NADK2: variants seen among roughly 807,000 people sequenced by gnomAD.
The protein encoded by NADK2 is NAD kinase 2, mitochondrial.
Under a neutral mutation model 62.1 loss-of-function variants are expected in NADK2, and 35 were observed. The observed-to-expected ratio is 0.56, with a 90% CI of 0.43 to 0.75. The LOEUF (loss-of-function observed/expected upper bound fraction) is 0.75, where lower values mean the gene tolerates loss of function less well. Among genes scored for constraint, NADK2 ranks in the 30% least tolerant of loss-of-function variants. The pLI is 0.00. For missense variants in NADK2, 439 were observed against 561.3 expected (o/e 0.78, Z 2.20); for synonymous variants, 205 against 207.9 (o/e 0.99, Z 0.12).
intron 6 of NADK2, among the ~76,000 whole-genome samples, chr5:36,217,494 A>C (rs1747088119): frequency 6.6e-6 from 1 of 152,058 alleles, no homozygotes; most frequent in Non-Finnish European, 1.5e-5. Context: ...TCAAACATCA[A>C]CTATCTTATC....
At chr5:36,231,189 C>T (rs775018786) in intron 1 of NADK2, among the ~76,000 whole-genome samples, 7 of 152,116 alleles carry the variant, frequency 4.6e-5, no homozygotes, top group African/African-American at 7.2e-5. Context: ...AGATACATGG[C>T]GTTGACTGTT....
intron 6 of NADK2, 197 bp from the exon 7 acceptor site, chr5:36,212,119 T>C: frequency 4.8e-6 from 2 of 412,588 alleles, no homozygotes; most frequent in South Asian, 9.0e-5. Context: ...AACTTACACC[T>C]GTAATGAAGG....
intron 1 of NADK2, among the ~76,000 whole-genome samples, chr5:36,238,647 A>G (rs573964002): frequency 7.9e-5 from 12 of 152,334 alleles, no homozygotes; most frequent in African/African-American, 2.9e-4. Flanking sequence ...GCAATTGCAC[A>G]TTTGCCAACA....
Position 36,232,737 on chromosome 5 carries a change from C to T in NADK2, c.301-5172G>A, listed in dbSNP as rs191391856. ...CCTCCCTTGATATTGCTTGAGGTTC[C>T]AACTTTGGTTTTCTTATCTGCTCTC... On this transcript the variant is annotated intron_variant, in intron 1 of 11. Transcript: ENST00000381937. 5.9e-5 allele frequency among the ~76,000 whole-genome samples: 9 copies of T among 152,194 alleles called. No homozygotes were observed. The East Asian group carries it at 1.5e-3, about 26-fold the overall frequency.
At position 36,216,774 on chromosome 5, in the gene NADK2, A is replaced by G. The variant is rs1747060207; in HGVS notation, c.781+974T>C. 2.0e-5 allele frequency among the ~76,000 whole-genome samples: 3 copies of G among 152,152 alleles called. No individual in the cohort carries two copies. In the South Asian group the frequency reaches 6.2e-4, roughly 32 times the overall value. On this transcript the variant is annotated intron_variant, in intron 6 of 11. Coordinates refer to ENST00000381937, the MANE Select transcript of NADK2 (RefSeq NM_001085411.3). ...ACTGCTGGTGAAGACAGTCAAATCT[A>G]CCATCTATTAGTGGTAGAAGTAACT...
In NADK2 at chr5:36,197,683, T is replaced by G; in HGVS notation, c.1067-19A>C. Reference sequence around the variant, plus strand: ...TTTGTTACTACAAAGAAAAAAAAATTAGCACACTCAATAAAAGATGGTCAC... The same window carrying G: ...TTTGTTACTACAAAGAAAAAAAAATGAGCACACTCAATAAAAGATGGTCAC... On this transcript the variant is annotated intron_variant, in intron 10 of 11. Transcript: ENST00000381937. 7 of 1,522,530 alleles carry G rather than the reference T, an allele frequency of 4.6e-6. No homozygotes were observed. Among genetic ancestry groups the G allele is most frequent in the Non-Finnish European group, 6.1e-6 (7 of 1,140,468 alleles). 94.3% of individuals were successfully genotyped at this position (1,522,530 alleles called of 1,614,324 possible).
chr5:36,219,111 T>C lies in NADK2; in HGVS notation c.644+485A>G, dbSNP rs186381026. ...CAATTCCAACTGGACTAGGAGAAGG[T>C]AAATTAGACCTATTTGTGACTCAGC... On this transcript the variant is annotated intron_variant, in intron 5 of 11. Coordinates refer to ENST00000381937, the MANE Select transcript of NADK2 (RefSeq NM_001085411.3). 5.2e-4 allele frequency among the ~76,000 whole-genome samples: 79 copies of C among 152,350 alleles called. No homozygotes were observed. In the South Asian group the frequency reaches 0.011, roughly 21 times the overall value.
chr5:36,196,755 T>C (rs542229700), intron 11 of NADK2, among the ~76,000 whole-genome samples: 1 of 152,272 alleles, frequency 6.6e-6, no homozygotes, highest in South Asian at 2.1e-4. Flanking sequence ...GTATATATCT[T>C]TGAAGGAGTC....
Position 36,201,141 on chromosome 5 carries a change from A to G in NADK2, c.977T>C (p.Val326Ala). 1.2e-6 allele frequency: 2 copies of G among 1,612,396 alleles called. No individual in the cohort carries two copies. The highest frequency in any genetic ancestry group is 1.7e-6 in the Non-Finnish European group (2 of 1,178,898). ...SKAWSFNINR[V>A]ATQAVEDVLN... ...AACATCTTCTACAGCCTGAGTTGCA[A>G]CCCTGTTAATATTGAATGACCTAGA... Residue 326 changes from valine to alanine, a missense_variant, in exon 9 of 12, where the codon GTT becomes GCT. Physicochemically the swap from Val to Ala is moderately conservative, Grantham distance 64. Transcript: ENST00000381937.
At chr5:36,198,116 C>T (rs1746301842) in intron 10 of NADK2, among the ~76,000 whole-genome samples, 1 of 151,850 alleles carries the variant, frequency 6.6e-6, no homozygotes, top group African/African-American at 2.4e-5. Flanking sequence ...CAATGACAGG[C>T]AATATCCTTT....
intron 6 of NADK2, among the ~76,000 whole-genome samples, chr5:36,215,052 G>A (rs1561064391): frequency 6.6e-6 from 1 of 152,068 alleles, no homozygotes; most frequent in South Asian, 2.1e-4. Flanking sequence ...TTATATGAGG[G>A]ATGTGAACAT....
At chr5:36,225,495 A>G (rs905684284) in intron 4 of NADK2, 47 bp downstream of exon 4, 14 of 1,526,492 alleles carry the variant, frequency 9.2e-6, no homozygotes, top group Non-Finnish European at 1.1e-5. Flanking sequence ...AAAAAACTTA[A>G]AAAGCACACC....
intron 1 of NADK2, among the ~76,000 whole-genome samples, chr5:36,234,689 T>C (rs1747838426): frequency 6.6e-6 from 1 of 152,248 alleles, no homozygotes; most frequent in African/African-American, 2.4e-5. Flanking sequence ...TTTAAAATTC[T>C]GAAGCACATA....
chr5:36,200,191 C>A, intron 10 of NADK2, 36 bp downstream of exon 10: 1 of 1,491,158 alleles, frequency 6.7e-7, no homozygotes, highest in Non-Finnish European at 9.1e-7. Flanking sequence ...TGAAACAGAA[C>A]TAAACTGTTA....
chr5:36,214,314 G>A (rs977483106), intron 6 of NADK2, among the ~76,000 whole-genome samples: 21 of 152,078 alleles, frequency 1.4e-4, no homozygotes, highest in African/African-American at 5.1e-4. Context: ...CTGAGGAGCT[G>A]GGATTACAGG....
intron 1 of NADK2, among the ~76,000 whole-genome samples, chr5:36,232,064 G>A (rs905507878): frequency 6.6e-6 from 1 of 152,086 alleles, no homozygotes; most frequent in Admixed American, 6.6e-5. Flanking sequence ...CGAAAGCCAA[G>A]ATCATGTCTC....
rs1747338271 is a variant in NADK2, at chr5:36,223,139, G to C, written c.560+2403C>G. 2.6e-5 allele frequency among the ~76,000 whole-genome samples: 4 copies of C among 152,056 alleles called. No homozygotes were observed. In the South Asian group the frequency reaches 8.3e-4, roughly 32 times the overall value. ...ACAGGACTTTCAGTGCTAAAACCAG[G>C]AAAGTTCCAAGAAAACCAGGAGAAG... is the stretch of plus-strand genomic sequence containing the variant. On this transcript the variant is annotated intron_variant, in intron 4 of 11. Transcript: ENST00000381937.
intron 8 of NADK2, among the ~76,000 whole-genome samples, chr5:36,206,434 C>T (rs1390390530): frequency 6.6e-6 from 1 of 150,722 alleles, no homozygotes; most frequent in African/African-American, 2.4e-5. Flanking sequence ...GCAGTAGAAA[C>T]CCAAAAAAGT....
rs1748101691 is a variant in NADK2, at chr5:36,241,203, G to A, written c.300+296C>T. On this transcript the variant is annotated intron_variant, in intron 1 of 11. Coordinates refer to ENST00000381937, the MANE Select transcript of NADK2 (RefSeq NM_001085411.3). This position sits in a 1 kb window ranked among gnomAD's most constrained non-coding sequence, Gnocchi z 4.9. ...GAATCCTCAAACCCCTCACTCTGAG[G>A]CCACTCGGCAGCCCCTCTTCGCCCT... Among the ~76,000 whole-genome samples the A allele has an allele frequency of 6.6e-6, 1 of 152,162 alleles. No homozygotes were observed. The highest frequency in any genetic ancestry group is 1.5e-5 in the Non-Finnish European group (1 of 68,016).
Sources: gnomAD v4.1 joint callset for allele counts (sites outside exome capture counted in the v4.1 genomes callset) on GRCh38, gnomAD v4.1.1 for gene constraint, Gnocchi (gnomAD v3.1) non-coding constraint, MANE v1.5 for transcripts, NCBI Gene and HGNC (gene_info 2026-07-23, HGNC 2026-07-21) for gene names.